Variants in ENTREP2 observed in about 807,000 individuals in gnomAD.
The protein encoded by ENTREP2 is protein ENTREP2.
At chr15:29,252,627 A>G in the ENTREP2 span, 1 of 515,866 alleles carries the variant, frequency 1.9e-6, no homozygotes. Flanking sequence ...GGAAAGTGGT[A>G]GGTTATTTCT....
At chr15:29,329,880 G>A in the ENTREP2 span, among the ~76,000 whole-genome samples, 2 of 152,046 alleles carry the variant, frequency 1.3e-5, no homozygotes, top group Non-Finnish European at 2.9e-5. Context: ...AGTAAAGAAG[G>A]GACAAATCTC....
the ENTREP2 span, among the ~76,000 whole-genome samples, chr15:29,634,709 C>G: frequency 6.6e-6 from 1 of 152,194 alleles, no homozygotes; most frequent in African/African-American, 2.4e-5. Context: ...TCCGGGGCCT[C>G]CAGAACTCCT....
the ENTREP2 span, among the ~76,000 whole-genome samples, chr15:29,301,772 C>T: frequency 0.099 from 15,040 of 152,142 alleles, 953 homozygotes; most frequent in South Asian, 0.17. Context: ...ATCATGAGGG[C>T]GTAACCTTAA....
chr15:29,535,390 A>T, the ENTREP2 span, among the ~76,000 whole-genome samples: 1 of 151,984 alleles, frequency 6.6e-6, no homozygotes, highest in South Asian at 2.1e-4. Context: ...GTGAATAAAA[A>T]CTAAACAGTA....
the ENTREP2 span, among the ~76,000 whole-genome samples, chr15:29,422,771 AGGTAAGAGAG>A: frequency 6.6e-6 from 1 of 152,216 alleles, no homozygotes; most frequent in South Asian, 2.1e-4. Context: ...TGTGAAACTT[AGGTAAGAGAG>A]AAAGAACAGT....
At chr15:29,229,646 C>G in the ENTREP2 span, among the ~76,000 whole-genome samples, 1 of 152,118 alleles carries the variant, frequency 6.6e-6, no homozygotes, top group East Asian at 1.9e-4. Flanking sequence ...GCATTACTAA[C>G]CTGTCCCTTC....
At chr15:29,530,306 C>T in the ENTREP2 span, among the ~76,000 whole-genome samples, 1 of 152,136 alleles carries the variant, frequency 6.6e-6, no homozygotes, top group Non-Finnish European at 1.5e-5. Context: ...GTCATAATGG[C>T]TGTGTAGTTC....
At chr15:29,169,778 A>T in the ENTREP2 span, among the ~76,000 whole-genome samples, 3 of 152,110 alleles carry the variant, frequency 2.0e-5, no homozygotes, top group African/African-American at 4.8e-5. Context: ...AGCTCCCTAA[A>T]CTCAAGAAAC....
At chr15:29,568,346 C>G in the ENTREP2 span, among the ~76,000 whole-genome samples, 1 of 152,062 alleles carries the variant, frequency 6.6e-6, no homozygotes, top group Non-Finnish European at 1.5e-5. Context: ...AGAGTAATGT[C>G]CATACATAGG....
At chr15:29,645,760 C>G in the ENTREP2 span, among the ~76,000 whole-genome samples, 1 of 152,162 alleles carries the variant, frequency 6.6e-6, no homozygotes, top group East Asian at 1.9e-4. Context: ...CAGGGTTTCA[C>G]CATGTTAGCC....
chr15:29,221,496 G>A, the ENTREP2 span, among the ~76,000 whole-genome samples: 3 of 152,034 alleles, frequency 2.0e-5, no homozygotes, highest in Admixed American at 6.6e-5. Flanking sequence ...CACCACGACC[G>A]ACACTTTCAA....
chr15:29,494,843 T>C, the ENTREP2 span, among the ~76,000 whole-genome samples: 2 of 152,230 alleles, frequency 1.3e-5, no homozygotes, highest in Non-Finnish European at 2.9e-5. Context: ...ATTTCCTTTC[T>C]TTGAAGGCTG....
chr15:29,341,938 C>A, the ENTREP2 span, among the ~76,000 whole-genome samples: 1 of 152,124 alleles, frequency 6.6e-6, no homozygotes, highest in Non-Finnish European at 1.5e-5. Context: ...GTCAAGAAGC[C>A]ACTGAAAGCT....
the ENTREP2 span, among the ~76,000 whole-genome samples, chr15:29,628,193 A>G: frequency 6.6e-6 from 1 of 152,206 alleles, no homozygotes; most frequent in Non-Finnish European, 1.5e-5. Flanking sequence ...GTATGAAGTA[A>G]TATTACATTT....
At chr15:29,434,813 GAA>G in the ENTREP2 span, among the ~76,000 whole-genome samples, 10 of 152,186 alleles carry the variant, frequency 6.6e-5, no homozygotes, top group South Asian at 1.0e-3. Context: ...CTTAGACGGT[GAA>G]AAAAGTCTTG....
At chr15:29,505,253 C>T in the ENTREP2 span, among the ~76,000 whole-genome samples, 2 of 152,228 alleles carry the variant, frequency 1.3e-5, no homozygotes, top group Admixed American at 1.3e-4. This position sits in a 1 kb window ranked among gnomAD's most constrained non-coding sequence, Gnocchi z 4.3. Context: ...CAGCAGCACC[C>T]GTCAGGGGCT....
the ENTREP2 span, among the ~76,000 whole-genome samples, chr15:29,329,891 C>T: frequency 2.0e-5 from 3 of 152,212 alleles, no homozygotes; most frequent in Admixed American, 2.0e-4. Context: ...GACAAATCTC[C>T]CAAGGGAAAA....
the ENTREP2 span, among the ~76,000 whole-genome samples, chr15:29,179,469 G>C: frequency 1.3e-5 from 2 of 152,242 alleles, no homozygotes; most frequent in African/African-American, 4.8e-5. Flanking sequence ...TGGGATGGCT[G>C]AAGGGGCATG....
the ENTREP2 span, chr15:29,137,091 G>A: frequency 7.5e-6 from 11 of 1,463,222 alleles, no homozygotes; most frequent in Admixed American, 3.3e-5. Flanking sequence ...GGGTGGAGGC[G>A]GGAGTGGGGG....
Sources: allele counts gnomAD v4.1 joint callset (sites outside exome capture counted in the v4.1 genomes callset), GRCh38; gene constraint gnomAD v4.1.1; non-coding constraint Gnocchi (gnomAD v3.1); transcripts MANE v1.5; gene names NCBI Gene and HGNC (gene_info 2026-07-23, HGNC 2026-07-21).